SORCS3: variants seen among roughly 807,000 people sequenced by gnomAD.
SORCS3 encodes the protein VPS10 domain-containing receptor SorCS3.
A neutral mutation model predicts 146.3 loss-of-function variants in SORCS3; 57 were observed. The observed-to-expected ratio is 0.39, with a 90% CI of 0.31 to 0.49. The LOEUF is 0.49. Ranked by LOEUF, SORCS3 falls within the 20% of genes least tolerant of loss-of-function variation. The pLI is 0.92. For synonymous variants in SORCS3, 653 were observed against 618.5 expected, an observed-to-expected ratio of 1.06 and a Z score of -0.83; for missense variants, 1,341 against 1,575.5, an observed-to-expected ratio of 0.85 and a Z score of 2.52.
intron 2 of SORCS3, among the ~76,000 whole-genome samples, chr10:104,897,512 A>G (rs1250690540): frequency 6.6e-6 from 1 of 152,226 alleles, no homozygotes; most frequent in African/African-American, 2.4e-5. Context: ...TAGATAGTTG[A>G]AGTTATCAAT....
At chr10:104,886,522 A>G (rs1431962470) in intron 2 of SORCS3, among the ~76,000 whole-genome samples, 1 of 151,952 alleles carries the variant, frequency 6.6e-6, no homozygotes, top group African/African-American at 2.4e-5. Context: ...TACGTAAAAT[A>G]TATACAGTTG....
At chr10:104,961,852 G>A (rs7909012) in intron 3 of SORCS3, among the ~76,000 whole-genome samples, 75,980 of 151,832 alleles carry the variant, frequency 0.5, 22,905 homozygotes, top group African/African-American at 0.86. Context: ...CCTTCACTCA[G>A]TCATGCATCA....
intron 4 of SORCS3, among the ~76,000 whole-genome samples, chr10:105,007,663 C>G (rs1014720360): frequency 6.6e-6 from 1 of 152,030 alleles, no homozygotes; most frequent in African/African-American, 2.4e-5. Context: ...CCCAACCCCC[C>G]AAAAAATCTG....
At position 105,045,021 on chromosome 10, in the gene SORCS3, GAAAAA is replaced by G. The variant is rs35904016; in HGVS notation, c.1028+1909_1028+1913del. Among the ~76,000 whole-genome samples, 660 of 117,992 alleles carry G rather than the reference GAAAAA, an allele frequency of 5.6e-3. 4 individuals carry two copies. The highest frequency in any genetic ancestry group is 6.3e-3 in the Non-Finnish European group (375 of 59,264). 77.4% of individuals were successfully genotyped at this position (117,992 alleles called of 152,430 possible). On this transcript the variant is annotated intron_variant, in intron 5 of 26. Transcript: ENST00000369701. ...GCCACCACTCAGAAGTCCAGAATTC[GAAAAA>G]AAAAAAAAAAAAAAAGAAAGAAAGA... is the stretch of plus-strand genomic sequence containing the variant.
intron 3 of SORCS3, among the ~76,000 whole-genome samples, chr10:104,968,503 T>C (rs2054840203): frequency 6.6e-6 from 1 of 152,168 alleles, no homozygotes; most frequent in Non-Finnish European, 1.5e-5. Context: ...ACCTTAACAA[T>C]CTGCGAAACC....
At chr10:105,030,934 A>C (rs1460327183) in intron 4 of SORCS3, among the ~76,000 whole-genome samples, 1 of 151,986 alleles carries the variant, frequency 6.6e-6, no homozygotes, top group East Asian at 1.9e-4. Context: ...AGGGAGGCTG[A>C]ATGAATCTAC....
chr10:105,164,652 TA>T, intron 12 of SORCS3, among the ~76,000 whole-genome samples: 1 of 152,220 alleles, frequency 6.6e-6, no homozygotes, highest in Admixed American at 6.5e-5. Context: ...AGATGCTAAG[TA>T]CTGTGCTGGT....
chr10:104,926,693 T>C (rs1243736703), intron 3 of SORCS3, among the ~76,000 whole-genome samples: 3 of 152,212 alleles, frequency 2.0e-5, no homozygotes, highest in Non-Finnish European at 4.4e-5. Flanking sequence ...TTCAAACTCA[T>C]CACTTAAAGG....
At chr10:104,828,458 C>G (rs1025640601) in intron 1 of SORCS3, among the ~76,000 whole-genome samples, 1 of 152,076 alleles carries the variant, frequency 6.6e-6, no homozygotes, top group Non-Finnish European at 1.5e-5. Context: ...GGGCATGGTT[C>G]ATGGTGCCCA....
chr10:105,187,759 C>A (rs2056488456), intron 14 of SORCS3, among the ~76,000 whole-genome samples: 2 of 152,160 alleles, frequency 1.3e-5, no homozygotes, highest in Non-Finnish European at 1.5e-5. Flanking sequence ...TTTCTTTACT[C>A]AACAATACGT....
chr10:105,253,176 C>G (rs921320572), intron 23 of SORCS3, among the ~76,000 whole-genome samples: 4 of 151,988 alleles, frequency 2.6e-5, no homozygotes, highest in Non-Finnish European at 5.9e-5. Context: ...AGTGACTCTT[C>G]CTGGGATTCA....
chr10:105,140,213 G>T (rs541140873), intron 8 of SORCS3, among the ~76,000 whole-genome samples: 1 of 152,234 alleles, frequency 6.6e-6, no homozygotes, highest in African/African-American at 2.4e-5. Context: ...TCTCTAAGCT[G>T]GTACTAAGGA....
At chr10:105,072,181 C>T (rs1001322431) in intron 5 of SORCS3, among the ~76,000 whole-genome samples, 8 of 152,046 alleles carry the variant, frequency 5.3e-5, no homozygotes, top group Non-Finnish European at 7.4e-5. Context: ...GGTGAGCTCT[C>T]GGACTTTATA....
At chr10:104,979,651 C>T (rs1329205646) in intron 4 of SORCS3, among the ~76,000 whole-genome samples, 4 of 152,060 alleles carry the variant, frequency 2.6e-5, no homozygotes. Context: ...GTCTCGTTAA[C>T]CAAGCCTCAT....
At chr10:104,724,438 C>CT (rs1323558700) in intron 1 of SORCS3, among the ~76,000 whole-genome samples, 4 of 152,252 alleles carry the variant, frequency 2.6e-5, no homozygotes, top group Admixed American at 2.6e-4. Flanking sequence ...TTTGGTGAAT[C>CT]TGACAATTAT....
intron 1 of SORCS3, among the ~76,000 whole-genome samples, chr10:104,660,100 G>A (rs1275862511): frequency 6.6e-6 from 1 of 152,166 alleles, no homozygotes. Flanking sequence ...TTCCTTTAAA[G>A]GAGCTGAGGA....
rs141388425 is a variant in SORCS3, at chr10:105,099,432, T to C, written c.1094-5965T>C. Among the ~76,000 whole-genome samples the C allele has an allele frequency of 3.4e-4, 52 of 152,326 alleles. 1 individual carries two copies. The East Asian group carries it at 9.1e-3, about 27-fold the overall frequency. On this transcript the variant is annotated intron_variant, in intron 6 of 26. Coordinates refer to ENST00000369701, the MANE Select transcript of SORCS3 (RefSeq NM_014978.3). ...ACAAGAGGCTTGATGTCTAGGAAGT[T>C]TGAATGCTTAGTAATTCTCAAAGGC...
At position 105,178,058 on chromosome 10, in the gene SORCS3, C is replaced by T. The variant is rs759105946; in HGVS notation, c.1902-8C>T. ...GCTGTCTTTTTTGTGTACTTGTTTC[C>T]AACACAGGGTGAGTTTTGATGAGGG... On this transcript the variant is annotated splice_polypyrimidine_tract_variant and splice_region_variant and intron_variant, in intron 13 of 26. Coordinates refer to ENST00000369701, the MANE Select transcript of SORCS3 (RefSeq NM_014978.3). 9.3e-6 allele frequency: 15 copies of T among 1,605,716 alleles called. No individual in the cohort carries two copies. In the African/African-American group the frequency reaches 1.6e-4, roughly 17 times the overall value.
intron 7 of SORCS3, among the ~76,000 whole-genome samples, chr10:105,132,769 G>T (rs540328101): frequency 6.6e-6 from 1 of 152,226 alleles, no homozygotes; most frequent in Admixed American, 6.5e-5. Context: ...TCAGATTAAC[G>T]AACCAGTCAT....
Sources: allele counts gnomAD v4.1 joint callset (sites outside exome capture counted in the v4.1 genomes callset), GRCh38; gene constraint gnomAD v4.1.1; transcripts MANE v1.5; gene names NCBI Gene and HGNC (gene_info 2026-07-23, HGNC 2026-07-21).